The following DENND4C variants were observed in gnomAD, a reference collection of about 807,000 sequenced individuals.
DENND4C encodes DENN domain containing 4C.
In DENND4C, 108 loss-of-function variants were observed where a neutral mutation model predicts 203.0. The ratio of observed to expected loss-of-function variants is 0.53; its 90% CI spans 0.46 to 0.62. The LOEUF (loss-of-function observed/expected upper bound fraction) is 0.62, where lower values mean the gene tolerates loss of function less well. Ranked by LOEUF, DENND4C falls within the 20% of genes least tolerant of loss-of-function variation. The probability of loss-of-function intolerance (pLI) is 0.00; values close to 1 mark genes in which losing one functional copy is unlikely to be tolerated. For missense variants in DENND4C, 2,481 were observed against 2,301.2 expected (o/e 1.08, Z -1.60); for synonymous variants, 871 against 792.4 (o/e 1.10, Z -1.67).
chr9:19,296,450 C>T (rs1837484292), intron 6 of DENND4C, among the ~76,000 whole-genome samples: 2 of 151,424 alleles, frequency 1.3e-5, no homozygotes, highest in Admixed American at 1.3e-4. Flanking sequence ...CTGCAACCTC[C>T]ACCTCCTGGG....
Position 19,333,026 on chromosome 9 carries a change from T to G in DENND4C, c.2460+842T>G, listed in dbSNP as rs932558000. On this transcript the variant is annotated intron_variant, in intron 17 of 32. Coordinates refer to ENST00000434457, the MANE Select transcript of DENND4C (RefSeq NM_001330640.2). The stretch of plus-strand genomic sequence containing the variant: ...ATCTATTTAAAAATATATTTTTTAT[T>G]TATATTTAAATATATATATATACTC... 2.1e-4 allele frequency among the ~76,000 whole-genome samples: 31 copies of G among 150,350 alleles called. 1 individual carries two copies. The highest frequency in any genetic ancestry group is 6.6e-4 in the African/African-American group (27 of 41,210).
At chr9:19,248,113 A>G (rs1379623241) in intron 1 of DENND4C, among the ~76,000 whole-genome samples, 1 of 152,076 alleles carries the variant, frequency 6.6e-6, no homozygotes, top group African/African-American at 2.4e-5. Flanking sequence ...TGTCACTCTC[A>G]TTTGAAGGCC....
rs909487844 is a variant in DENND4C, at chr9:19,279,053, A to G, written c.305+2574A>G. 8.5e-5 allele frequency among the ~76,000 whole-genome samples: 7 copies of G among 82,204 alleles called. 3 individuals are homozygous for G. Among genetic ancestry groups the G allele is most frequent in the Non-Finnish European group, 1.8e-4 (7 of 38,546 alleles). 53.9% of individuals were successfully genotyped at this position (82,204 alleles called of 152,430 possible). On this transcript the variant is annotated intron_variant, in intron 2 of 32. Coordinates refer to ENST00000434457, the MANE Select transcript of DENND4C (RefSeq NM_001330640.2). ...ATTCTGGTCCAGTGTGGTGGCTTAC[A>G]CTGTAATCCCAGCTAACCTGTAATC...
At chr9:19,357,433 C>T (rs1013687731) in intron 27 of DENND4C, 3 of 329,250 alleles carry the variant, frequency 9.1e-6, no homozygotes, top group African/African-American at 2.1e-5. Context: ...TTTCCAGAGG[C>T]GAAATGTTCT....
chr9:19,274,724 G>T (rs1392776779), intron 1 of DENND4C, among the ~76,000 whole-genome samples: 1 of 152,174 alleles, frequency 6.6e-6, no homozygotes, highest in Non-Finnish European at 1.5e-5. Context: ...GGTATTTATG[G>T]AAAGTTTAAT....
At chr9:19,270,197 C>A (rs1298949327) in intron 1 of DENND4C, among the ~76,000 whole-genome samples, 3 of 152,176 alleles carry the variant, frequency 2.0e-5, no homozygotes, top group Admixed American at 1.3e-4. Flanking sequence ...ACCACTGGGA[C>A]TGTGCTGGGT....
chr9:19,250,990 G>A (rs547262608), intron 1 of DENND4C, among the ~76,000 whole-genome samples: 2 of 152,306 alleles, frequency 1.3e-5, no homozygotes, highest in South Asian at 2.1e-4. Context: ...TATGGAGGAC[G>A]GTGACCACCT....
chr9:19,266,278 A>G (rs10121823), intron 1 of DENND4C, among the ~76,000 whole-genome samples: 66 of 152,236 alleles, frequency 4.3e-4, no homozygotes, highest in African/African-American at 1.5e-3. Context: ...ATTTGTTCAT[A>G]TCCTTCACCC....
intron 17 of DENND4C, among the ~76,000 whole-genome samples, chr9:19,333,052 G>T (rs148733456): frequency 6.6e-6 from 1 of 150,588 alleles, no homozygotes; most frequent in Non-Finnish European, 1.5e-5. Context: ...ATATATACTC[G>T]TGCCCAAGCT....
chr9:19,341,952 G>A (rs1412875948), intron 21 of DENND4C, among the ~76,000 whole-genome samples: 3 of 151,976 alleles, frequency 2.0e-5, no homozygotes, highest in East Asian at 1.9e-4. Context: ...GCGAAACCCC[G>A]TCTCTACTAA....
rs1843379956 is a variant in DENND4C, at chr9:19,324,411, A to G, written c.1857A>G (p.Leu619=). The G allele has an allele frequency of 6.2e-7, 1 of 1,612,880 alleles. No individual in the cohort carries two copies. ...DRAYAKFYTL[L]SKTQIFIRFI... is the part of the protein sequence containing the mutation. ...CCTATGCAAAATTCTATACCCTTTTATCCAAAACACAGATTTTTATTCGTT... is the reference window on the plus strand; with the variant it reads ...CCTATGCAAAATTCTATACCCTTTTGTCCAAAACACAGATTTTTATTCGTT... Residue 619 remains leucine (L), a synonymous_variant, in exon 13 of 33, where the codon TTA becomes TTG. Transcript: ENST00000434457.
chr9:19,268,794 G>A (rs1831039047), intron 1 of DENND4C, among the ~76,000 whole-genome samples: 2 of 152,226 alleles, frequency 1.3e-5, no homozygotes, highest in South Asian at 4.1e-4. Context: ...CTACTGAGAA[G>A]TGTGCTGCCA....
At chr9:19,288,202 T>C (rs1244144704) in intron 3 of DENND4C, among the ~76,000 whole-genome samples, 1 of 152,216 alleles carries the variant, frequency 6.6e-6, no homozygotes. Flanking sequence ...AGATGACAAA[T>C]GCACCCAGAA....
chr9:19,345,839 A>G, intron 22 of DENND4C, 82 bp from the exon 23 acceptor site: 1 of 1,270,916 alleles, frequency 7.9e-7, no homozygotes, highest in Non-Finnish European at 1.1e-6. Context: ...TGTCACATTC[A>G]TAATCAGGAA....
chr9:19,234,749 C>T (rs1011377321), intron 1 of DENND4C, among the ~76,000 whole-genome samples: 4 of 151,680 alleles, frequency 2.6e-5, no homozygotes, highest in Non-Finnish European at 5.9e-5. Context: ...TGCCATATTG[C>T]CCAGGCTGGT....
intron 3 of DENND4C, among the ~76,000 whole-genome samples, chr9:19,287,516 G>A (rs1264860636): frequency 1.3e-5 from 2 of 151,806 alleles, no homozygotes; most frequent in African/African-American, 2.4e-5. Context: ...GAGTAGCTGG[G>A]ACTACAGGAT....
At chr9:19,309,499 G>GT (rs1396539921) in intron 10 of DENND4C, among the ~76,000 whole-genome samples, 1 of 152,008 alleles carries the variant, frequency 6.6e-6, no homozygotes, top group Admixed American at 6.6e-5. Context: ...AATTGCACAG[G>GT]TCAAATGTGT....
At chr9:19,313,098 C>T (rs1003684710) in intron 10 of DENND4C, among the ~76,000 whole-genome samples, 1 of 151,566 alleles carries the variant, frequency 6.6e-6, no homozygotes, top group African/African-American at 2.4e-5. Flanking sequence ...TGTTTTTTTC[C>T]CATCTACTTA....
In DENND4C at chr9:19,296,120, A is replaced by T. The variant is rs749040137; in HGVS notation, c.914A>T (p.Lys305Ile). 8 of 1,613,894 alleles carry T rather than the reference A, an allele frequency of 5.0e-6. No homozygotes were observed. In the East Asian group the frequency reaches 1.8e-4, roughly 36 times the overall value. The change falls in exon 6 of 33, where the codon AAA becomes ATA. Residue 305 changes from lysine (K) to isoleucine (I), a missense_variant. Physicochemically the swap from Lys to Ile is moderately radical, Grantham distance 102 (BLOSUM62 -3). Coordinates refer to ENST00000434457, the MANE Select transcript of DENND4C (RefSeq NM_001330640.2). ...CCTGTGGAGAGAAAAATGGTCTCCAAATCCATCAATACAAACAAATGCATT... is the reference window on the plus strand; with the variant it reads ...CCTGTGGAGAGAAAAATGGTCTCCATATCCATCAATACAAACAAATGCATT... ...LTPVERKMVS[K>I]SINTNKCICL...
Sources: gnomAD v4.1 joint callset for allele counts (sites outside exome capture counted in the v4.1 genomes callset) on GRCh38, gnomAD v4.1.1 for gene constraint, MANE v1.5 for transcripts, NCBI Gene and HGNC (gene_info 2026-07-23, HGNC 2026-07-21) for gene names.